Variants in TBCD observed in about 807,000 individuals in gnomAD.
TBCD encodes the protein tubulin folding cofactor D.
In TBCD, 105 loss-of-function variants were observed where a neutral mutation model predicts 169.3. The observed-to-expected ratio is 0.62, with a 90% CI of 0.53 to 0.73. The LOEUF is 0.73. Ranked by LOEUF, TBCD falls within the 30% of genes least tolerant of loss-of-function variation. TBCD has a pLI of 0.00. For synonymous variants in TBCD, 700 were observed against 643.9 expected (o/e 1.09, Z -1.32); for missense variants, 1,444 against 1,600.1 (o/e 0.90, Z 1.66).
Position 82,831,920 on chromosome 17 carries a change from G to A in TBCD, c.1318+16986G>A, listed in dbSNP as rs1312919811. On this transcript the variant is annotated intron_variant, in intron 13 of 38. Coordinates refer to ENST00000355528, the MANE Select transcript of TBCD (RefSeq NM_005993.5). The surrounding 1 kb of genome is among the most constrained non-coding windows in gnomAD (Gnocchi z 4.6). ...GGGTTGTGTAAAGCCAGTGTCTCGG[G>A]CGCCTCGGCGTTGTCTGGCCCCTTG... 1.2e-6 allele frequency: 2 copies of A among 1,614,196 alleles called. No homozygotes were observed. Among genetic ancestry groups the A allele is most frequent in the South Asian group, 2.2e-5 (2 of 91,086 alleles).
intron 13 of TBCD, 124 bp downstream of exon 13, chr17:82,815,058 A>G (rs1256457022): frequency 2.5e-5 from 36 of 1,461,100 alleles, no homozygotes; most frequent in Non-Finnish European, 2.9e-5. Flanking sequence ...CTGCGTCACC[A>G]GGCTGTCCGT....
rs369769404 is a variant in TBCD at position 82,822,415 on chromosome 17, G to A, written c.1318+7481G>A. 1.4e-4 allele frequency among the ~76,000 whole-genome samples: 21 copies of A among 152,252 alleles called. No individual in the cohort carries two copies. The East Asian group carries it at 2.7e-3, about 20-fold the overall frequency. ...GAAGACCTCCTGGGGCGACATTTAC[G>A]CTGAGAGCTTCTACCGTGAAGGAGC... On this transcript the variant is annotated intron_variant, in intron 13 of 38. Coordinates refer to ENST00000355528, the MANE Select transcript of TBCD (RefSeq NM_005993.5).
intron 13 of TBCD, among the ~76,000 whole-genome samples, chr17:82,869,485 A>G (rs886580550): frequency 6.6e-6 from 1 of 152,100 alleles, no homozygotes. Context: ...GTGGCACTGC[A>G]CTCCAGCCTG....
chr17:82,772,437 C>T lies in TBCD; in HGVS notation c.583-15C>T. On this transcript the variant is annotated splice_polypyrimidine_tract_variant and intron_variant, in intron 5 of 38. Transcript: ENST00000355528. ...TGCAGGAGTGACCGTGTCTGTGCTT[C>T]ACCCTTTCTTGCAGTCCTACTTGAT... 6.2e-7 allele frequency: 1 copy of T among 1,613,914 alleles called. No homozygotes were observed. The highest frequency in any genetic ancestry group is 8.5e-7 in the Non-Finnish European group (1 of 1,179,870).
Position 82,930,076 on chromosome 17 carries a change from C to T in TBCD, c.2992-446C>T, listed in dbSNP as rs2062068877. ...TGAGGTGCCCTCTGCGCCGTGTGGG[C>T]GCGTGCGGGGAGACCCGGGCCCCAG... is the stretch of plus-strand genomic sequence containing the variant. On this transcript the variant is annotated intron_variant, in intron 32 of 38. Coordinates refer to ENST00000355528, the MANE Select transcript of TBCD (RefSeq NM_005993.5). The surrounding 1 kb of genome is among the most constrained non-coding windows in gnomAD (Gnocchi z 5.2). 4.0e-6 allele frequency: 1 copy of T among 253,124 alleles called. No homozygotes were observed. The highest frequency in any genetic ancestry group is 7.7e-6 in the Non-Finnish European group (1 of 129,188). The allele number at this position is 253,124 out of a possible 1,614,324, so 15.7% of individuals were successfully genotyped here.
intron 34 of TBCD, among the ~76,000 whole-genome samples, chr17:82,934,546 C>G (rs917289709): frequency 1.3e-5 from 2 of 152,056 alleles, no homozygotes; most frequent in Admixed American, 1.3e-4. Context: ...GATCTCAGCT[C>G]ACTGCAACCT....
intron 14 of TBCD, among the ~76,000 whole-genome samples, chr17:82,871,897 C>G (rs574158867): frequency 7.8e-4 from 119 of 152,326 alleles, no homozygotes; most frequent in African/African-American, 2.8e-3. Context: ...GCGCCACTGC[C>G]TGTGTCCGAC....
Position 82,849,857 on chromosome 17 carries a change from C to T in TBCD, c.1319-20367C>T, listed in dbSNP as rs1197511991. 3.3e-5 allele frequency among the ~76,000 whole-genome samples: 5 copies of T among 152,372 alleles called. No homozygotes were observed. In the East Asian group the frequency reaches 5.8e-4, roughly 18 times the overall value. On this transcript the variant is annotated intron_variant, in intron 13 of 38. Transcript: ENST00000355528. ...GAGGCAGAAGCGAAGCAGTAGCCCC[C>T]GTGCGCGGCAGCTCTTGAGGCTGTG...
intron 13 of TBCD, among the ~76,000 whole-genome samples, chr17:82,867,203 TG>T (rs1462456153): frequency 6.6e-6 from 1 of 152,088 alleles, no homozygotes; most frequent in Non-Finnish European, 1.5e-5. Context: ...TGTCCTCCCT[TG>T]GGGGCTTCTC....
At position 82,880,303 on chromosome 17, in the gene TBCD, G is replaced by A. The variant is rs1196266446; in HGVS notation, c.1476-3842G>A. ...ACAGATGGAGCACAGGTGTAGCCAGGGCCGCTGGTGTGTACCACTGTGTTC... is the reference window on the plus strand; with the variant it reads ...ACAGATGGAGCACAGGTGTAGCCAGAGCCGCTGGTGTGTACCACTGTGTTC... On this transcript the variant is annotated intron_variant, in intron 14 of 38. Coordinates refer to ENST00000355528, the MANE Select transcript of TBCD (RefSeq NM_005993.5). This position sits in a 1 kb window ranked among gnomAD's most constrained non-coding sequence, Gnocchi z 5.0. Among the ~76,000 whole-genome samples, 1 of 152,144 alleles carries A rather than the reference G, an allele frequency of 6.6e-6. No individual in the cohort carries two copies. Among genetic ancestry groups the A allele is most frequent in the Non-Finnish European group, 1.5e-5 (1 of 68,022 alleles).
rs969440376 is a variant in TBCD, at chr17:82,907,755, C to T, written c.1923-6C>T. The T allele has an allele frequency of 2.5e-6, 4 of 1,613,608 alleles. No homozygotes were observed. The African/African-American group carries it at 4.0e-5, about 16-fold the overall frequency. Reference sequence around the variant, plus strand: ...TGACTTCAGCTCTGTGTTTGAACTTCTGCAGGCCCGTCACGGACCATCTGG... The same window carrying T: ...TGACTTCAGCTCTGTGTTTGAACTTTTGCAGGCCCGTCACGGACCATCTGG... On this transcript the variant is annotated splice_polypyrimidine_tract_variant and splice_region_variant and intron_variant, in intron 20 of 38. Coordinates refer to ENST00000355528, the MANE Select transcript of TBCD (RefSeq NM_005993.5).
In TBCD at chr17:82,889,716, A is replaced by G. The variant is rs762284455; in HGVS notation, c.1563+19A>G. The G allele has an allele frequency of 8.1e-6, 13 of 1,612,146 alleles. No homozygotes were observed. The Admixed American group carries it at 2.2e-4, about 27-fold the overall frequency. On this transcript the variant is annotated intron_variant, in intron 16 of 38. Coordinates refer to ENST00000355528, the MANE Select transcript of TBCD (RefSeq NM_005993.5). This position sits in a 1 kb window ranked among gnomAD's most constrained non-coding sequence, Gnocchi z 5.3. ...GAGACAGGTATGGCTGCTTTCAAAC[A>G]CCTTTATTCCAAAAACTTCCTGCGG...
intron 13 of TBCD, among the ~76,000 whole-genome samples, chr17:82,824,479 G>C (rs749882458): frequency 6.6e-6 from 1 of 151,552 alleles, no homozygotes; most frequent in Non-Finnish European, 1.5e-5. Context: ...CACCGCGCCC[G>C]ACCCATATAT....
In TBCD at chr17:82,872,333, C is replaced by T. The variant is rs962814648; in HGVS notation, c.1475+1953C>T. ...CAGGGAGGTCTGGGGTGGCTGAGAG[C>T]GGCTGTGGCCTCTGTCTGCTGCTCT... On this transcript the variant is annotated intron_variant, in intron 14 of 38. Coordinates refer to ENST00000355528, the MANE Select transcript of TBCD (RefSeq NM_005993.5). Among the ~76,000 whole-genome samples the T allele has an allele frequency of 2.6e-5, 4 of 152,230 alleles. No homozygotes were observed. In the East Asian group the frequency reaches 5.8e-4, roughly 22 times the overall value.
intron 15 of TBCD, among the ~76,000 whole-genome samples, chr17:82,885,207 C>G (rs1344107705): frequency 2.0e-5 from 3 of 152,016 alleles, no homozygotes; most frequent in African/African-American, 7.3e-5. Context: ...GTGAGTGGGA[C>G]CAGGCGGAAG....
chr17:82,765,712 T>G (rs2047986756), intron 3 of TBCD, among the ~76,000 whole-genome samples: 1 of 152,242 alleles, frequency 6.6e-6, no homozygotes, highest in Non-Finnish European at 1.5e-5. Flanking sequence ...CCTTGCGGTT[T>G]GTAGGCACTT....
chr17:82,774,939 C>T (rs749079050), intron 6 of TBCD, among the ~76,000 whole-genome samples: 4 of 152,334 alleles, frequency 2.6e-5, no homozygotes, highest in East Asian at 1.9e-4. Flanking sequence ...TTGCCAACTT[C>T]GTTCAATGGG....
At chr17:82,863,282 C>T (rs987338756) in intron 13 of TBCD, among the ~76,000 whole-genome samples, 1 of 152,136 alleles carries the variant, frequency 6.6e-6, no homozygotes, top group Non-Finnish European at 1.5e-5. Context: ...CATTTCTTCC[C>T]AGGGCTTTGG....
At chr17:82,940,497 C>T (rs1452431841) in intron 37 of TBCD, among the ~76,000 whole-genome samples, 1 of 152,208 alleles carries the variant, frequency 6.6e-6, no homozygotes, top group African/African-American at 2.4e-5. Flanking sequence ...TAGGTGTCTC[C>T]TCGGAACAGT....
Sources: allele counts gnomAD v4.1 joint callset (sites outside exome capture counted in the v4.1 genomes callset), GRCh38; gene constraint gnomAD v4.1.1; non-coding constraint Gnocchi (gnomAD v3.1); transcripts MANE v1.5; gene names NCBI Gene and HGNC (gene_info 2026-07-23, HGNC 2026-07-21).